The following CNOT1 variants were observed in gnomAD, a reference collection of about 807,000 sequenced individuals.
CNOT1 encodes the protein CCR4-associated factor 1.
A neutral mutation model predicts 273.8 loss-of-function variants in CNOT1; 15 were observed. That is an observed-to-expected ratio of 0.05 (90% CI 0.04 to 0.08). CNOT1 has a LOEUF of 0.08. CNOT1 is among the 10% of genes least tolerant of loss of function. The pLI is 1.00. For missense variants in CNOT1, 1,644 were observed against 2,912.2 expected (o/e 0.56, Z 10.02); for synonymous variants, 1,022 against 1,005.5 (o/e 1.02, Z -0.31).
Position 58,549,737 on chromosome 16 carries a change from C to T in CNOT1, c.3504G>A (p.Glu1168=). 6.2e-6 allele frequency: 10 copies of T among 1,608,030 alleles called. No homozygotes were observed. Among genetic ancestry groups the T allele is most frequent in the Non-Finnish European group, 8.5e-6 (10 of 1,178,668 alleles). Residue 1168 remains glutamate (E), a synonymous_variant, in exon 25 of 49, where the codon GAG becomes GAA. Transcript: ENST00000317147. The part of the protein sequence containing the change: ...NPEFNKMVLN[E]TYRNIKVLLT... ...CTCTTACTTTAATGTTTCTGTAGGTCTCATTCAGAACCATCTTGTTAAATT... is the reference window on the plus strand; with the variant it reads ...CTCTTACTTTAATGTTTCTGTAGGTTTCATTCAGAACCATCTTGTTAAATT...
intron 2 of CNOT1, chr16:58,599,028 A>T: frequency 4.7e-6 from 2 of 423,296 alleles, no homozygotes; most frequent in Non-Finnish European, 8.2e-6. Context: ...TCCAGCCTGG[A>T]CGACAGAGTA....
intron 1 of CNOT1, among the ~76,000 whole-genome samples, chr16:58,628,023 G>C (rs1428795339): frequency 6.6e-6 from 1 of 152,044 alleles, no homozygotes; most frequent in Non-Finnish European, 1.5e-5. Context: ...AGACGCGGTT[G>C]TGACATGTTG....
intron 31 of CNOT1, 88 bp from the exon 32 acceptor site, chr16:58,542,656 C>A: frequency 6.6e-7 from 1 of 1,526,480 alleles, no homozygotes; most frequent in South Asian, 1.3e-5. Flanking sequence ...GTAGAAAATG[C>A]AGTGCATTTG....
chr16:58,608,371 T>C (rs1038059171), intron 1 of CNOT1, among the ~76,000 whole-genome samples: 3 of 151,656 alleles, frequency 2.0e-5, no homozygotes, highest in East Asian at 1.9e-4. Context: ...CTGGCCAACA[T>C]AGTGAAACCC....
rs748137641 is a variant in CNOT1, at chr16:58,578,650, A to T, written c.1584+49T>A. On this transcript the variant is annotated intron_variant, in intron 13 of 48. Coordinates refer to ENST00000317147, the MANE Select transcript of CNOT1 (RefSeq NM_016284.5). ...TTGAGCTTCCTCAACACTCCAAAGA[A>T]GATCAATTATTCAGATGAAAAAATG... 4.4e-6 allele frequency: 7 copies of T among 1,599,672 alleles called. No homozygotes were observed. In the South Asian group the frequency reaches 6.7e-5, roughly 15 times the overall value.
At position 58,520,003 on chromosome 16, in the gene CNOT1, T is replaced by G. The variant is rs949237952; in HGVS notation, c.*955A>C. On this transcript the variant is annotated 3_prime_UTR_variant, in exon 49 of 49. Coordinates refer to ENST00000317147, the MANE Select transcript of CNOT1 (RefSeq NM_016284.5). ...ACAGTATGCATACACATACAAGAAG[T>G]AGGGGAGCTGAAGCCCAGGAAAAGG... 6.6e-6 allele frequency: 1 copy of G among 152,100 alleles called. No individual in the cohort carries two copies. Among genetic ancestry groups the G allele is most frequent in the African/African-American group, 2.4e-5 (1 of 41,406 alleles). The allele number at this position is 152,100 out of a possible 1,614,324, so 9.4% of individuals were successfully genotyped here. A position where few individuals can be genotyped will look rare whatever the true frequency, so the allele number is the denominator to read the frequency against.
chr16:58,551,565 G>A, intron 23 of CNOT1, 24 bp downstream of exon 23: 1 of 1,598,086 alleles, frequency 6.3e-7, no homozygotes. Context: ...AATCCTGGAA[G>A]AGAAAAAAGA....
chr16:58,524,249 CAAAA>C (rs35148544), intron 46 of CNOT1, among the ~76,000 whole-genome samples: 3 of 82,378 alleles, frequency 3.6e-5, no homozygotes, highest in Non-Finnish European at 4.6e-5. Flanking sequence ...GACTCTATCG[CAAAA>C]AAAAAAAAAA....
Position 58,520,754 on chromosome 16 carries a change from T to C in CNOT1, c.*204A>G. The C allele has an allele frequency of 1.7e-6, 1 of 575,010 alleles. No homozygotes were observed. Among genetic ancestry groups the C allele is most frequent in the Non-Finnish European group, 3.1e-6 (1 of 322,302 alleles). 35.6% of individuals were successfully genotyped at this position (575,010 alleles called of 1,614,324 possible). ...GATATTCACAGCATCTTCTAAATTT[T>C]GGCCAAGAGTCAAAAAAATGCATTT... On this transcript the variant is annotated 3_prime_UTR_variant, in exon 49 of 49. Coordinates refer to ENST00000317147, the MANE Select transcript of CNOT1 (RefSeq NM_016284.5).
chr16:58,541,785 G>C (rs1166616663), intron 33 of CNOT1, among the ~76,000 whole-genome samples, 165 bp from the exon 34 acceptor site: 1 of 152,162 alleles, frequency 6.6e-6, no homozygotes, highest in Admixed American at 6.5e-5. Context: ...GTTCAGAAGA[G>C]GGCTTCTCAT....
At chr16:58,530,469 G>T in intron 42 of CNOT1, 122 bp from the exon 43 acceptor site, 1 of 600,156 alleles carries the variant, frequency 1.7e-6, no homozygotes, top group Non-Finnish European at 2.8e-6. Context: ...GAATACTAAT[G>T]TTAAGTACTT....
At chr16:58,591,475 C>T (rs72790284) in intron 2 of CNOT1, among the ~76,000 whole-genome samples, 48,175 of 151,994 alleles carry the variant, frequency 0.32, 9,627 homozygotes, top group Non-Finnish European at 0.45. Flanking sequence ...AACTATGCGC[C>T]GGACTCGGAG....
chr16:58,586,692 C>G lies in CNOT1; in HGVS notation c.490G>C (p.Asp164His), dbSNP rs758686904. 7 of 1,613,382 alleles carry G rather than the reference C, an allele frequency of 4.3e-6. No individual in the cohort carries two copies. The highest frequency in any genetic ancestry group is 5.9e-6 in the Non-Finnish European group (7 of 1,179,930). ...CCACCTTCTTGATTTCCACTGACGT[C>G]TGCGTCAATGTAAGAACGCAGAAGA... ...PDLLRSYIDADVSGNQEGGFQ... is the reference protein window; with the variant it reads ...PDLLRSYIDAHVSGNQEGGFQ... The change falls in exon 7 of 49, where the codon GAC becomes CAC. Residue 164 changes from aspartate (D) to histidine (H), a missense_variant. Transcript: ENST00000317147.
chr16:58,599,103 T>C (rs984415238), intron 2 of CNOT1, 133 bp downstream of exon 2: 37 of 1,118,218 alleles, frequency 3.3e-5, no homozygotes, highest in Non-Finnish European at 4.4e-5. Flanking sequence ...CAGATGATGA[T>C]GACAGAAATC....
Position 58,599,360 on chromosome 16 carries a change from C to A in CNOT1, c.-23G>T. On this transcript the variant is annotated 5_prime_UTR_variant, in exon 2 of 49. Coordinates refer to ENST00000317147, the MANE Select transcript of CNOT1 (RefSeq NM_016284.5). ...CATTGCTGGTTGGGGCGGAAGCAGG[C>A]GGCCGAGCCCGGCGCAAAATCACCA... 6.2e-7 allele frequency: 1 copy of A among 1,613,926 alleles called. No individual in the cohort carries two copies. Among genetic ancestry groups the A allele is most frequent in the Non-Finnish European group, 8.5e-7 (1 of 1,179,956 alleles).
chr16:58,598,552 G>C (rs1357132646), intron 2 of CNOT1, among the ~76,000 whole-genome samples: 1 of 151,484 alleles, frequency 6.6e-6, no homozygotes, highest in African/African-American at 2.4e-5. Flanking sequence ...CTGAGCGACA[G>C]AGCTCAGGCT....
At chr16:58,549,673 C>A in intron 25 of CNOT1, 46 bp downstream of exon 25, 4 of 1,541,596 alleles carry the variant, frequency 2.6e-6, no homozygotes, top group Admixed American at 2.3e-5. Flanking sequence ...CAAATATTTC[C>A]AAATTCAAAG....
intron 44 of CNOT1, among the ~76,000 whole-genome samples, chr16:58,526,771 C>T (rs936707551): frequency 1.4e-5 from 2 of 147,242 alleles, no homozygotes; most frequent in Non-Finnish European, 3.0e-5. Context: ...AGCCACAGCT[C>T]GCGCCATTGC....
chr16:58,569,784 T>C (rs531074991), intron 16 of CNOT1, among the ~76,000 whole-genome samples: 1 of 151,776 alleles, frequency 6.6e-6, no homozygotes, highest in Admixed American at 6.6e-5. Flanking sequence ...ACAAACATAA[T>C]GGGAGTACAA....
Sources: allele counts gnomAD v4.1 joint callset (sites outside exome capture counted in the v4.1 genomes callset), GRCh38; gene constraint gnomAD v4.1.1; transcripts MANE v1.5; gene names NCBI Gene and HGNC (gene_info 2026-07-23, HGNC 2026-07-21).